Variants in FAM174A observed in about 807,000 individuals in gnomAD.
The protein encoded by FAM174A is family with sequence similarity 174 member A.
Under a neutral mutation model 14.3 loss-of-function variants are expected in FAM174A, and 14 were observed. The ratio of observed to expected loss-of-function variants is 0.98; its 90% CI spans 0.65 to 1.53. The LOEUF is 1.53. FAM174A is among the 40% of genes most tolerant of loss of function. The pLI is 0.00. For missense variants in FAM174A, 241 were observed against 249.6 expected (o/e 0.97, Z 0.23); for synonymous variants, 108 against 111.4 (o/e 0.97, Z 0.19).
intron 2 of FAM174A, among the ~76,000 whole-genome samples, chr5:100,585,346 GATAAA>G (rs1403179834): frequency 6.6e-5 from 10 of 152,242 alleles, no homozygotes; most frequent in Middle Eastern, 6.8e-3. Context: ...GATCATAAAT[GATAAA>G]ATAAATCAGC....
chr5:100,559,026 C>T (rs1746463101), intron 1 of FAM174A, among the ~76,000 whole-genome samples: 1 of 152,116 alleles, frequency 6.6e-6, no homozygotes, highest in African/African-American at 2.4e-5. Flanking sequence ...CACTTTCTTC[C>T]TAGCCTCGAG....
At chr5:100,559,736 G>A (rs1029245259) in intron 1 of FAM174A, among the ~76,000 whole-genome samples, 13 of 151,832 alleles carry the variant, frequency 8.6e-5, no homozygotes, top group Non-Finnish European at 1.3e-4. Context: ...CCAGTTGTTC[G>A]CATTGGCTAC....
intron 1 of FAM174A, among the ~76,000 whole-genome samples, chr5:100,556,667 A>G (rs537092774): frequency 9.6e-4 from 146 of 152,196 alleles, no homozygotes; most frequent in Middle Eastern, 3.4e-3. Context: ...CGTCCCTTGT[A>G]AGTTAGATTC....
intron 2 of FAM174A, among the ~76,000 whole-genome samples, chr5:100,565,256 C>G (rs1399410178): frequency 1.3e-5 from 2 of 151,658 alleles, no homozygotes; most frequent in African/African-American, 2.4e-5. Context: ...AGAAAAAAAG[C>G]CACAAGATCA....
chr5:100,572,997 G>A (rs1207794580), intron 2 of FAM174A, among the ~76,000 whole-genome samples: 1 of 152,134 alleles, frequency 6.6e-6, no homozygotes, highest in African/African-American at 2.4e-5. Context: ...TTTCTCTGAT[G>A]GCCAGTGATG....
intron 2 of FAM174A, among the ~76,000 whole-genome samples, chr5:100,575,040 A>T (rs1037863466): frequency 5.3e-5 from 8 of 152,154 alleles, no homozygotes; most frequent in African/African-American, 1.9e-4. Flanking sequence ...ATATCCTGCA[A>T]TTAATCTCAT....
intron 1 of FAM174A, among the ~76,000 whole-genome samples, chr5:100,544,428 A>C (rs1214801230): frequency 6.6e-6 from 1 of 152,012 alleles, no homozygotes; most frequent in East Asian, 1.9e-4. Flanking sequence ...AGAGAGAGAG[A>C]GAGAGATCGA....
chr5:100,564,548 T>C (rs1415257292), intron 2 of FAM174A, among the ~76,000 whole-genome samples: 2 of 151,542 alleles, frequency 1.3e-5, no homozygotes, highest in African/African-American at 2.4e-5. Context: ...ATAATAGAAA[T>C]ACATTAAATA....
chr5:100,575,441 T>C (rs9327194), intron 2 of FAM174A, among the ~76,000 whole-genome samples: 21,469 of 151,990 alleles, frequency 0.14, 3,174 homozygotes, highest in African/African-American at 0.38. Context: ...GTGATGTTCC[T>C]CTTCCTGTGT....
intron 2 of FAM174A, among the ~76,000 whole-genome samples, chr5:100,567,997 A>ATTC (rs1746700259): frequency 6.6e-6 from 1 of 151,970 alleles, no homozygotes; most frequent in Non-Finnish European, 1.5e-5. Flanking sequence ...GTTCATCACA[A>ATTC]TTCTTGCCTG....
chr5:100,565,324 G>A (rs756888443), intron 2 of FAM174A, among the ~76,000 whole-genome samples: 1 of 151,834 alleles, frequency 6.6e-6, no homozygotes, highest in Non-Finnish European at 1.5e-5. Flanking sequence ...AAATGAGGTT[G>A]CATCAAACTA....
intron 1 of FAM174A, among the ~76,000 whole-genome samples, chr5:100,540,905 A>T (rs1033203545): frequency 6.6e-6 from 1 of 152,142 alleles, no homozygotes; most frequent in Non-Finnish European, 1.5e-5. Flanking sequence ...ATACGGGGTA[A>T]ATGTATGAGA....
intron 1 of FAM174A, among the ~76,000 whole-genome samples, chr5:100,561,360 G>C (rs1746518435): frequency 6.6e-6 from 1 of 151,898 alleles, no homozygotes; most frequent in Non-Finnish European, 1.5e-5. Flanking sequence ...CTAGGTCTGG[G>C]CTAGCCATGA....
chr5:100,559,544 T>C (rs963265010), intron 1 of FAM174A, among the ~76,000 whole-genome samples: 1 of 152,104 alleles, frequency 6.6e-6, no homozygotes, highest in African/African-American at 2.4e-5. Flanking sequence ...GCAGAGTATT[T>C]TCCAACTTGG....
At chr5:100,559,519 C>T (rs1355484843) in intron 1 of FAM174A, among the ~76,000 whole-genome samples, 1 of 152,060 alleles carries the variant, frequency 6.6e-6, no homozygotes, top group Non-Finnish European at 1.5e-5. Flanking sequence ...GGGAAGTTCT[C>T]CTGGATAATA....
In FAM174A at chr5:100,539,017, C is replaced by T. The variant is rs538575170; in HGVS notation, c.434+3053C>T. On this transcript the variant is annotated intron_variant, in intron 1 of 2. Transcript: ENST00000312637. ...TTTTCATGCCATGTCGTTGGTTTTTCGTTTTTTATTCAATTTGGTATATTG... is the reference window on the plus strand; with the variant it reads ...TTTTCATGCCATGTCGTTGGTTTTTTGTTTTTTATTCAATTTGGTATATTG... 2.6e-5 allele frequency among the ~76,000 whole-genome samples: 4 copies of T among 151,904 alleles called. No individual in the cohort carries two copies. In the East Asian group the frequency reaches 5.8e-4, roughly 22 times the overall value.
intron 2 of FAM174A, chr5:100,581,369 A>G (rs1747012327): frequency 1.0e-6 from 1 of 985,338 alleles, no homozygotes; most frequent in Non-Finnish European, 1.2e-6. Context: ...TTCCTGAGAA[A>G]GAGCAACTGA....
intron 2 of FAM174A, among the ~76,000 whole-genome samples, chr5:100,567,692 C>T (rs914340586): frequency 2.0e-5 from 3 of 150,090 alleles, no homozygotes; most frequent in Non-Finnish European, 4.5e-5. Context: ...GAATTCATCC[C>T]TCTCATTTTG....
chr5:100,571,053 CT>C (rs1746767886), intron 2 of FAM174A, among the ~76,000 whole-genome samples: 1 of 151,390 alleles, frequency 6.6e-6, no homozygotes, highest in Non-Finnish European at 1.5e-5. Flanking sequence ...TCATGGTACC[CT>C]TCTATATATC....
Sources: gnomAD v4.1 joint callset for allele counts (sites outside exome capture counted in the v4.1 genomes callset) on GRCh38, gnomAD v4.1.1 for gene constraint, MANE v1.5 for transcripts, NCBI Gene and HGNC (gene_info 2026-07-23, HGNC 2026-07-21) for gene names.